The following CPQ variants were observed in gnomAD, a reference collection of about 807,000 sequenced individuals.
CPQ encodes the protein Ser-Met dipeptidase.
CPQ carries 37 observed loss-of-function variants against 45.7 expected under a neutral mutation model. That is an observed-to-expected ratio of 0.81 (90% CI 0.62 to 1.07). The LOEUF (loss-of-function observed/expected upper bound fraction) is 1.07, where lower values mean the gene tolerates loss of function less well. CPQ is among the 50% of genes least tolerant of loss of function. The pLI, the probability that CPQ is intolerant of heterozygous loss-of-function variation, is 0.00. For synonymous variants in CPQ, 186 were observed against 205.8 expected (o/e 0.90, Z 0.82); for missense variants, 537 against 572.9 (o/e 0.94, Z 0.64).
At chr8:96,888,680 G>T (rs1288446042) in intron 4 of CPQ, among the ~76,000 whole-genome samples, 1 of 152,174 alleles carries the variant, frequency 6.6e-6, no homozygotes, top group African/African-American at 2.4e-5. Flanking sequence ...TTAATGTGCT[G>T]ATGTGCACTG....
rs202144365 is a variant in CPQ at position 96,835,071 on chromosome 8, A to G, written c.532A>G (p.Ile178Val). 14 of 1,613,594 alleles carry G rather than the reference A, an allele frequency of 8.7e-6. No homozygotes were observed. The East Asian group carries it at 2.2e-4, about 26-fold the overall frequency. ...GATTGTTGTTTATAACCAACCTTAC[A>G]TCAACTACTCAAGGACGGTGCAATA... is the stretch of plus-strand genomic sequence containing the variant. The part of the protein sequence containing the change: ...GKIVVYNQPY[I>V]NYSRTVQYRT... Residue 178 changes from isoleucine to valine, a missense_variant, in exon 3 of 8, where the codon ATC becomes GTC. By Grantham distance (29) the Ile-to-Val change is conservative. Coordinates refer to ENST00000220763, the MANE Select transcript of CPQ (RefSeq NM_016134.4).
intron 2 of CPQ, among the ~76,000 whole-genome samples, chr8:96,790,056 G>A (rs75920218): frequency 0.042 from 6,438 of 152,132 alleles, 178 homozygotes; most frequent in Middle Eastern, 0.099. Flanking sequence ...TAGCAGTATC[G>A]TGAAGCTACC....
In CPQ at chr8:96,811,349, T is replaced by C. The variant is rs565304553; in HGVS notation, c.434-23624T>C. The stretch of plus-strand genomic sequence containing the variant: ...AAGCACCAGGCCCTTGACCCACTCT[T>C]ACTGCCTCCGTTCATCATTATTTTT... On this transcript the variant is annotated intron_variant, in intron 2 of 7. Coordinates refer to ENST00000220763, the MANE Select transcript of CPQ (RefSeq NM_016134.4). Among the ~76,000 whole-genome samples the C allele has an allele frequency of 1.8e-3, 279 of 152,268 alleles. 2 individuals are homozygous for C. Among genetic ancestry groups the C allele is most frequent in the African/African-American group, 6.5e-3 (269 of 41,570 alleles).
intron 2 of CPQ, among the ~76,000 whole-genome samples, chr8:96,792,188 G>C (rs1810854581): frequency 6.6e-6 from 1 of 152,174 alleles, no homozygotes; most frequent in African/African-American, 2.4e-5. Context: ...TATACAAGCA[G>C]GCCAAGTCCG....
intron 7 of CPQ, among the ~76,000 whole-genome samples, chr8:97,128,792 G>A (rs184551324): frequency 4.6e-5 from 7 of 152,370 alleles, no homozygotes; most frequent in African/African-American, 1.7e-4. Context: ...ATGCACTACT[G>A]TGGAAAGTAG....
intron 3 of CPQ, among the ~76,000 whole-genome samples, chr8:96,849,165 T>C (rs1213504030): frequency 6.6e-6 from 1 of 152,186 alleles, no homozygotes; most frequent in East Asian, 1.9e-4. Flanking sequence ...TCTGATAAAT[T>C]CTATTTTGCA....
intron 6 of CPQ, among the ~76,000 whole-genome samples, chr8:97,056,783 T>C (rs1810462037): frequency 6.6e-6 from 1 of 152,202 alleles, no homozygotes; most frequent in African/African-American, 2.4e-5. Flanking sequence ...CAAGTGCCCG[T>C]TAGCTAGGTT....
chr8:96,849,401 T>C (rs1427805336), intron 3 of CPQ, among the ~76,000 whole-genome samples: 1 of 152,226 alleles, frequency 6.6e-6, no homozygotes, highest in Non-Finnish European at 1.5e-5. Context: ...TGTTGCAGGA[T>C]GCATTCTTGT....
chr8:96,902,636 C>G (rs1280806883), intron 4 of CPQ, among the ~76,000 whole-genome samples: 1 of 152,170 alleles, frequency 6.6e-6, no homozygotes, highest in African/African-American at 2.4e-5. Flanking sequence ...GGAACTTCCC[C>G]CTTGCCCTTG....
At chr8:96,996,626 T>C (rs1761489585) in intron 5 of CPQ, among the ~76,000 whole-genome samples, 1 of 152,096 alleles carries the variant, frequency 6.6e-6, no homozygotes, top group Admixed American at 6.6e-5. Flanking sequence ...CTGTACATAG[T>C]ATATTTATGA....
At chr8:96,685,793 T>C (rs1179128792) in intron 1 of CPQ, among the ~76,000 whole-genome samples, 3 of 152,182 alleles carry the variant, frequency 2.0e-5, no homozygotes. Context: ...GTGAACATAT[T>C]AAATTTATAG....
At chr8:96,675,704 A>G (rs894266836) in intron 1 of CPQ, among the ~76,000 whole-genome samples, 1 of 152,062 alleles carries the variant, frequency 6.6e-6, no homozygotes, top group Non-Finnish European at 1.5e-5. Context: ...ATCACAATGT[A>G]TATCAAAAAC....
At chr8:96,651,655 A>G (rs1454133105) in intron 1 of CPQ, among the ~76,000 whole-genome samples, 1 of 151,652 alleles carries the variant, frequency 6.6e-6, no homozygotes, top group Non-Finnish European at 1.5e-5. Context: ...ATGAGGTTGA[A>G]TAATATAATT....
intron 7 of CPQ, among the ~76,000 whole-genome samples, chr8:97,114,011 C>A (rs1811542992): frequency 6.6e-6 from 1 of 152,154 alleles, no homozygotes; most frequent in East Asian, 1.9e-4. Context: ...CAGAGCCATC[C>A]CTCTGGATTT....
intron 7 of CPQ, among the ~76,000 whole-genome samples, chr8:97,109,845 C>A (rs1396945110): frequency 6.6e-6 from 1 of 152,120 alleles, no homozygotes; most frequent in African/African-American, 2.4e-5. Flanking sequence ...ACATCCCCAG[C>A]TCCCTACCTT....
intron 4 of CPQ, among the ~76,000 whole-genome samples, chr8:96,926,980 T>A (rs1434586593): frequency 6.6e-6 from 1 of 152,182 alleles, no homozygotes; most frequent in Admixed American, 6.5e-5. Context: ...TAAAAGAATA[T>A]CTTTGGCTGC....
At chr8:97,067,328 C>G (rs1403994322) in intron 7 of CPQ, among the ~76,000 whole-genome samples, 1 of 152,162 alleles carries the variant, frequency 6.6e-6, no homozygotes, top group African/African-American at 2.4e-5. Context: ...CCCGAGGTTG[C>G]TTCCTCAACA....
intron 3 of CPQ, among the ~76,000 whole-genome samples, chr8:96,844,482 G>T (rs1288469192): frequency 1.3e-5 from 2 of 152,200 alleles, no homozygotes; most frequent in Non-Finnish European, 2.9e-5. Context: ...CTCCCATTTA[G>T]ATGCTGTGTG....
chr8:96,869,189 G>T (rs999652396), intron 3 of CPQ, among the ~76,000 whole-genome samples: 1 of 151,300 alleles, frequency 6.6e-6, no homozygotes, highest in Non-Finnish European at 1.5e-5. Context: ...ATCATATTTT[G>T]GCTGTTTTCA....
Sources: gnomAD v4.1 joint callset for allele counts (sites outside exome capture counted in the v4.1 genomes callset) on GRCh38, gnomAD v4.1.1 for gene constraint, MANE v1.5 for transcripts, NCBI Gene and HGNC (gene_info 2026-07-23, HGNC 2026-07-21) for gene names.